Variants in MYO16 observed in about 807,000 individuals in gnomAD.
MYO16 encodes the protein myosin XVI.
A neutral mutation model predicts 205.3 loss-of-function variants in MYO16; 94 were observed. That is an observed-to-expected ratio of 0.46 (90% CI 0.39 to 0.54). The LOEUF (loss-of-function observed/expected upper bound fraction) is 0.54. Ranked by LOEUF, MYO16 falls within the 20% of genes least tolerant of loss-of-function variation. The probability of loss-of-function intolerance (pLI) is 0.00; values close to 1 mark genes in which losing one functional copy is unlikely to be tolerated. For synonymous variants in MYO16, 988 were observed against 954.0 expected, an observed-to-expected ratio of 1.04 and a Z score of -0.66; for missense variants, 2,315 against 2,387.5, an observed-to-expected ratio of 0.97 and a Z score of 0.63.
intron 28 of MYO16, among the ~76,000 whole-genome samples, chr13:109,119,735 T>C (rs1875893544): frequency 6.6e-6 from 1 of 152,224 alleles, no homozygotes; most frequent in African/African-American, 2.4e-5. Context: ...AAATTTCTTT[T>C]TAAAAATTCT....
rs146490841 is a variant in MYO16 at position 108,922,577 on chromosome 13, C to T, written c.1925+12427C>T. 2.3e-4 allele frequency among the ~76,000 whole-genome samples: 35 copies of T among 152,238 alleles called. No homozygotes were observed. The East Asian group carries it at 4.8e-3, about 21-fold the overall frequency. ...CCGGTGCTTATGTAATCAGAGATGG[C>T]GAAGTCAATAAGATTTGGAATGTGC... On this transcript the variant is annotated intron_variant, in intron 16 of 34. Transcript: ENST00000457511.
At chr13:108,686,788 T>C (rs1422521164) in intron 2 of MYO16, among the ~76,000 whole-genome samples, 1 of 152,230 alleles carries the variant, frequency 6.6e-6, no homozygotes, top group Non-Finnish European at 1.5e-5. Context: ...TCGATCTGGA[T>C]GTTCAGCGGC....
intron 21 of MYO16, among the ~76,000 whole-genome samples, chr13:109,006,361 T>C (rs1027787673): frequency 1.3e-5 from 2 of 152,162 alleles, no homozygotes; most frequent in Non-Finnish European, 2.9e-5. Flanking sequence ...TGTCTCAGCC[T>C]CCTGAGTAGC....
chr13:108,898,336 A>T (rs1222069258), intron 15 of MYO16, among the ~76,000 whole-genome samples: 2 of 101,110 alleles, frequency 2.0e-5, no homozygotes, highest in African/African-American at 7.0e-5. Flanking sequence ...TCAGGCACTC[A>T]GTTGAGGGTG....
chr13:109,148,344 C>A (rs1446737978), intron 32 of MYO16, among the ~76,000 whole-genome samples: 4 of 152,164 alleles, frequency 2.6e-5, no homozygotes, highest in African/African-American at 9.7e-5. Flanking sequence ...ATAATTCATA[C>A]AGGGAAATTG....
At chr13:108,875,722 G>T (rs1401168866) in intron 12 of MYO16, among the ~76,000 whole-genome samples, 1 of 151,846 alleles carries the variant, frequency 6.6e-6, no homozygotes, top group East Asian at 1.9e-4. Flanking sequence ...TGTGGCCTAG[G>T]GTTTTTAAAT....
At chr13:109,027,774 T>C (rs1376887958) in intron 23 of MYO16, among the ~76,000 whole-genome samples, 2 of 152,182 alleles carry the variant, frequency 1.3e-5, no homozygotes, top group Non-Finnish European at 2.9e-5. Flanking sequence ...ATGTGAGTCA[T>C]CTATTTCCCC....
chr13:109,023,432 A>T (rs1886192443), intron 23 of MYO16, among the ~76,000 whole-genome samples: 2 of 74,274 alleles, frequency 2.7e-5, no homozygotes, highest in Non-Finnish European at 4.7e-5. Context: ...ATATATATTT[A>T]TATATTATAC....
chr13:108,855,674 C>A, intron 11 of MYO16, 121 bp downstream of exon 11: 1 of 627,216 alleles, frequency 1.6e-6, no homozygotes, highest in Non-Finnish European at 2.6e-6. Flanking sequence ...GTGGTGATAG[C>A]TGAAGTTGAA....
intron 16 of MYO16, among the ~76,000 whole-genome samples, chr13:108,929,592 A>G (rs774679184): frequency 1.3e-5 from 2 of 152,118 alleles, no homozygotes; most frequent in Admixed American, 1.3e-4. Flanking sequence ...ACACCTGGCA[A>G]TATCTGGAGA....
At chr13:108,922,665 C>T (rs186866213) in intron 16 of MYO16, among the ~76,000 whole-genome samples, 92 of 152,192 alleles carry the variant, frequency 6.0e-4, no homozygotes, top group Non-Finnish European at 7.5e-4. Flanking sequence ...AGACATACGT[C>T]GTAGGAGTTA....
At chr13:108,891,259 A>T (rs1880159850) in intron 14 of MYO16, among the ~76,000 whole-genome samples, 1 of 152,220 alleles carries the variant, frequency 6.6e-6, no homozygotes, top group African/African-American at 2.4e-5. Flanking sequence ...TAGAACTAAC[A>T]TTGACATTTT....
At chr13:108,755,479 T>C (rs966660767) in intron 4 of MYO16, among the ~76,000 whole-genome samples, 3 of 152,058 alleles carry the variant, frequency 2.0e-5, no homozygotes, top group East Asian at 3.9e-4. Flanking sequence ...AACACATCAT[T>C]TTATCTTAAC....
chr13:108,645,855 G>T (rs1308470336), intron 1 of MYO16, among the ~76,000 whole-genome samples: 1 of 152,162 alleles, frequency 6.6e-6, no homozygotes, highest in South Asian at 2.1e-4. Flanking sequence ...ACTTGACGCT[G>T]GATCCACAGA....
At chr13:109,170,965 A>T (rs149188288) in intron 33 of MYO16, among the ~76,000 whole-genome samples, 1 of 152,212 alleles carries the variant, frequency 6.6e-6, no homozygotes, top group Non-Finnish European at 1.5e-5. Context: ...AAATCTCAAG[A>T]GTTATGCGTG....
At chr13:109,067,975 A>G (rs1207541406) in intron 27 of MYO16, among the ~76,000 whole-genome samples, 1 of 152,208 alleles carries the variant, frequency 6.6e-6, no homozygotes, top group African/African-American at 2.4e-5. Context: ...ACAAATACGC[A>G]AAGCTGACCA....
upstream of MYO16, among the ~76,000 whole-genome samples, chr13:108,627,129 G>A (rs1431308856): frequency 2.0e-5 from 3 of 151,450 alleles, no homozygotes; most frequent in African/African-American, 7.3e-5. Flanking sequence ...AAAGTTAATG[G>A]AACCAAAATT....
intron 21 of MYO16, among the ~76,000 whole-genome samples, chr13:108,993,598 C>A (rs1217523989): frequency 1.3e-5 from 2 of 152,116 alleles, no homozygotes; most frequent in Admixed American, 1.3e-4. Flanking sequence ...CACAAAATGT[C>A]TAGTTTGAAC....
intron 34 of MYO16, among the ~76,000 whole-genome samples, chr13:109,186,934 A>G (rs1488158254): frequency 6.6e-6 from 1 of 152,222 alleles, no homozygotes; most frequent in East Asian, 1.9e-4. Flanking sequence ...TTTCAACTGT[A>G]GTGGTTATTA....
Sources: gnomAD v4.1 joint callset for allele counts (sites outside exome capture counted in the v4.1 genomes callset) on GRCh38, gnomAD v4.1.1 for gene constraint, MANE v1.5 for transcripts, NCBI Gene and HGNC (gene_info 2026-07-23, HGNC 2026-07-21) for gene names.